SUGCT: variants seen among roughly 807,000 people sequenced by gnomAD.
SUGCT encodes succinyl-CoA:glutarate CoA-transferase.
A neutral mutation model predicts 55.0 loss-of-function variants in SUGCT; 41 were observed. That is an observed-to-expected ratio of 0.74 (90% CI 0.58 to 0.97). The LOEUF is 0.97. Among genes scored for constraint, SUGCT ranks in the 50% least tolerant of loss-of-function variants. The probability of loss-of-function intolerance (pLI) is 0.00; values close to 1 mark genes in which losing one functional copy is unlikely to be tolerated. For missense variants in SUGCT, 568 were observed against 547.8 expected, an observed-to-expected ratio of 1.04 and a Z score of -0.37; for synonymous variants, 187 against 200.4, an observed-to-expected ratio of 0.93 and a Z score of 0.56.
the SUGCT span, among the ~76,000 whole-genome samples, chr7:41,001,879 G>A: frequency 1.3e-5 from 2 of 152,202 alleles, no homozygotes; most frequent in Non-Finnish European, 2.9e-5. Context: ...AAAGTTGCAT[G>A]TTTGTCTGCT....
intron 1 of SUGCT, among the ~76,000 whole-genome samples, chr7:40,154,330 T>TAATGA (rs71769803): frequency 1.3e-5 from 2 of 152,178 alleles, no homozygotes; most frequent in African/African-American, 4.8e-5. Context: ...TAATGTAATG[T>TAATGA]AATGGGATTG....
chr7:40,952,282 C>G, the SUGCT span, among the ~76,000 whole-genome samples: 3 of 151,904 alleles, frequency 2.0e-5, no homozygotes, highest in Non-Finnish European at 4.4e-5. Flanking sequence ...CAACCCCTGC[C>G]GTTTTTTATT....
At position 40,161,834 on chromosome 7, in the gene SUGCT, T is replaced by G. The variant is rs111616411; in HGVS notation, c.101-19113T>G. On this transcript the variant is annotated intron_variant, in intron 1 of 13. Transcript: ENST00000335693. ...TGGTTGTGCATTCTATAACTGTAGG[T>G]TGATTTATAAAATCTATAAATTGGT... Among the ~76,000 whole-genome samples, 525 of 152,296 alleles carry G rather than the reference T, an allele frequency of 3.4e-3. 6 individuals carry two copies. Among genetic ancestry groups the G allele is most frequent in the African/African-American group, 0.011 (475 of 41,566 alleles).
At chr7:40,962,214 T>G in the SUGCT span, among the ~76,000 whole-genome samples, 2 of 152,154 alleles carry the variant, frequency 1.3e-5, no homozygotes, top group African/African-American at 2.4e-5. Flanking sequence ...GAGTGATGAT[T>G]GGTGCATTTG....
intron 13 of SUGCT, among the ~76,000 whole-genome samples, chr7:40,762,254 G>T (rs537708963): frequency 1.6e-4 from 24 of 152,328 alleles, no homozygotes; most frequent in Non-Finnish European, 2.8e-4. Flanking sequence ...TGCATGAGGA[G>T]AATTCTGCAC....
chr7:40,365,000 G>A (rs540806187), intron 9 of SUGCT, among the ~76,000 whole-genome samples: 6 of 152,208 alleles, frequency 3.9e-5, no homozygotes, highest in South Asian at 2.1e-4. Flanking sequence ...GAACATTGAT[G>A]CAAAAATGCT....
intron 9 of SUGCT, among the ~76,000 whole-genome samples, chr7:40,427,450 G>T (rs1787646278): frequency 6.6e-6 from 1 of 152,098 alleles, no homozygotes; most frequent in African/African-American, 2.4e-5. Flanking sequence ...ACATAGTGTG[G>T]ACATTGTATA....
At chr7:40,603,838 A>G (rs561358128) in intron 12 of SUGCT, among the ~76,000 whole-genome samples, 7 of 152,286 alleles carry the variant, frequency 4.6e-5, no homozygotes, top group Non-Finnish European at 1.5e-5. Flanking sequence ...ACTATTTTCT[A>G]TTTCTAGAAT....
At chr7:40,570,811 G>A (rs1314778434) in intron 12 of SUGCT, among the ~76,000 whole-genome samples, 1 of 143,706 alleles carries the variant, frequency 7.0e-6, no homozygotes, top group Non-Finnish European at 1.5e-5. Context: ...CGATGAGTTT[G>A]CAACAGGTAC....
chr7:40,874,616 G>T, the SUGCT span, among the ~76,000 whole-genome samples: 1 of 152,096 alleles, frequency 6.6e-6, no homozygotes, highest in Non-Finnish European at 1.5e-5. Flanking sequence ...ATATGAGCAC[G>T]TAAGAATTTG....
At chr7:40,822,751 G>C (rs542868794) in intron 13 of SUGCT, among the ~76,000 whole-genome samples, 27 of 152,186 alleles carry the variant, frequency 1.8e-4, no homozygotes, top group African/African-American at 6.3e-4. Context: ...TCCTATCTGA[G>C]GTAATCTCAT....
At chr7:40,163,389 A>G (rs551316246) in intron 1 of SUGCT, among the ~76,000 whole-genome samples, 2 of 152,256 alleles carry the variant, frequency 1.3e-5, no homozygotes, top group African/African-American at 4.8e-5. Flanking sequence ...GCAGATTACA[A>G]GGTCAGGAGA....
intron 1 of SUGCT, among the ~76,000 whole-genome samples, chr7:40,157,774 C>T (rs1272380680): frequency 6.6e-6 from 1 of 152,060 alleles, no homozygotes; most frequent in Non-Finnish European, 1.5e-5. Flanking sequence ...TTAGCTCACT[C>T]GTTGATAGGG....
the SUGCT span, among the ~76,000 whole-genome samples, chr7:40,924,732 C>T: frequency 1.3e-5 from 2 of 152,250 alleles, no homozygotes; most frequent in East Asian, 1.9e-4. Context: ...GTGTGCATAA[C>T]GTACAGGCCA....
intron 12 of SUGCT, among the ~76,000 whole-genome samples, chr7:40,528,118 A>G (rs986506715): frequency 9.8e-5 from 15 of 152,312 alleles, no homozygotes; most frequent in Admixed American, 7.8e-4. Context: ...AAATGAAGAT[A>G]ATAAGTATAC....
At chr7:40,162,829 A>G (rs1784243169) in intron 1 of SUGCT, among the ~76,000 whole-genome samples, 1 of 152,144 alleles carries the variant, frequency 6.6e-6, no homozygotes, top group Non-Finnish European at 1.5e-5. Context: ...GATTGCCACT[A>G]AAAGGACAGT....
chr7:40,587,533 A>G (rs1215535161), intron 12 of SUGCT, among the ~76,000 whole-genome samples: 1 of 152,232 alleles, frequency 6.6e-6, no homozygotes, highest in Non-Finnish European at 1.5e-5. Flanking sequence ...TGTGTACCTA[A>G]AGCAGTTAAA....
chr7:40,210,019 T>C (rs903581200), intron 6 of SUGCT, among the ~76,000 whole-genome samples: 5 of 152,230 alleles, frequency 3.3e-5, no homozygotes, highest in Admixed American at 2.6e-4. Context: ...ATCTGACATG[T>C]TCTCTTATCA....
At chr7:40,624,772 A>G (rs1177567422) in intron 12 of SUGCT, among the ~76,000 whole-genome samples, 1 of 137,314 alleles carries the variant, frequency 7.3e-6, no homozygotes, top group Non-Finnish European at 1.6e-5. Flanking sequence ...TTTCTGTGCA[A>G]ACACACACAC....
Sources: allele counts gnomAD v4.1 joint callset (sites outside exome capture counted in the v4.1 genomes callset), GRCh38; gene constraint gnomAD v4.1.1; transcripts MANE v1.5; gene names NCBI Gene and HGNC (gene_info 2026-07-23, HGNC 2026-07-21).